CEACAM7: variants seen among roughly 807,000 people sequenced by gnomAD.
The protein encoded by CEACAM7 is CEA cell adhesion molecule 7.
A neutral mutation model predicts 25.7 loss-of-function variants in CEACAM7; 24 were observed. The observed-to-expected ratio is 0.93, with a 90% CI of 0.68 to 1.31. The LOEUF (loss-of-function observed/expected upper bound fraction) is 1.31. Ranked by LOEUF, CEACAM7 falls within the 40% of genes most tolerant of loss-of-function variation. CEACAM7 has a pLI of 0.00. For synonymous variants in CEACAM7, 144 were observed against 129.4 expected (o/e 1.11, Z -0.77); for missense variants, 324 against 330.1 (o/e 0.98, Z 0.14).
chr19:41,684,822 G>C (rs1172153767), intron 2 of CEACAM7, among the ~76,000 whole-genome samples: 1 of 152,236 alleles, frequency 6.6e-6, no homozygotes, highest in Non-Finnish European at 1.5e-5. Flanking sequence ...CCTGTCCCCA[G>C]CTCCTGTGCA....
intron 4 of CEACAM7, among the ~76,000 whole-genome samples, chr19:41,675,735 C>A (rs1474946261): frequency 6.6e-6 from 1 of 152,138 alleles, no homozygotes; most frequent in Non-Finnish European, 1.5e-5. Flanking sequence ...GATAAGACTT[C>A]AGATTTGATA....
In CEACAM7 at chr19:41,684,003, A is replaced by G. The variant is rs1555810955; in HGVS notation, c.488T>C (p.Ile163Thr). The G allele has an allele frequency of 1.9e-6, 3 of 1,614,028 alleles. No individual in the cohort carries two copies. Among genetic ancestry groups the G allele is most frequent in the South Asian group, 1.1e-5 (1 of 91,092 alleles). ...NNFNPVENKD[I>T]VVLTCQPETQ... ...CTCAGGTTGACAGGTTAAAACCACA[A>G]TATCTTTGTTCTCCACCGGATTGAA... The change falls in exon 3 of 5, where the codon ATT (isoleucine) becomes ACT (threonine). Residue 163 changes from isoleucine (I) to threonine (T), a missense_variant. Ile to Thr is a moderately conservative substitution (Grantham distance 89). Transcript: ENST00000401731.
intron 4 of CEACAM7, among the ~76,000 whole-genome samples, chr19:41,676,537 C>T (rs909565642): frequency 2.2e-4 from 34 of 152,128 alleles, no homozygotes; most frequent in African/African-American, 8.0e-4. Context: ...TTTGTCTTAT[C>T]GTCTGTCTTA....
chr19:41,678,249 C>T (rs2122717410), intron 3 of CEACAM7, among the ~76,000 whole-genome samples: 1 of 152,102 alleles, frequency 6.6e-6, no homozygotes, highest in East Asian at 1.9e-4. Flanking sequence ...GTTCTTTTCC[C>T]TCTCCCATAT....
chr19:41,686,171 C>G (rs1555811170), intron 2 of CEACAM7, among the ~76,000 whole-genome samples: 1 of 152,120 alleles, frequency 6.6e-6, no homozygotes, highest in Non-Finnish European at 1.5e-5. Context: ...CAGAAACTTT[C>G]TTCTTCTTTT....
Position 41,688,232 on chromosome 19 carries a change from T to C in CEACAM7, c.-67A>G, listed in dbSNP as rs1288170113. ...GCTCCAGGAACTCTCTTGTCAGGGC[T>C]GCTGTGACTGTCAGCTCTGCTGTCC... On this transcript the variant is annotated 5_prime_UTR_variant, in exon 1 of 5. Transcript: ENST00000401731. The C allele has an allele frequency of 6.4e-7, 1 of 1,571,560 alleles. No homozygotes were observed. The highest frequency in any genetic ancestry group is 1.4e-5 in the African/African-American group (1 of 73,316).
intron 1 of CEACAM7, 109 bp from the exon 2 acceptor site, chr19:41,687,330 A>AGTGTGT (rs55639350): frequency 9.5e-5 from 74 of 778,940 alleles, no homozygotes; most frequent in Admixed American, 3.4e-4. Context: ...TCTTGAAGTA[A>AGTGTGT]GTGTGTGTGT....
At chr19:41,683,342 G>T (rs1172962614) in intron 3 of CEACAM7, among the ~76,000 whole-genome samples, 1 of 152,234 alleles carries the variant, frequency 6.6e-6, no homozygotes. Flanking sequence ...TCTAAGGTTT[G>T]CTCCTAACTC....
At chr19:41,682,265 T>TA (rs2072183354) in intron 3 of CEACAM7, among the ~76,000 whole-genome samples, 1 of 151,844 alleles carries the variant, frequency 6.6e-6, no homozygotes, top group African/African-American at 2.4e-5. Context: ...AAATGGCTAA[T>TA]ATGGTAAATT....
intron 3 of CEACAM7, among the ~76,000 whole-genome samples, chr19:41,682,682 G>A (rs2072186994): frequency 6.6e-6 from 1 of 152,236 alleles, no homozygotes; most frequent in Admixed American, 6.5e-5. Flanking sequence ...GCAGAGCAGG[G>A]AGCAGACTCT....
At chr19:41,685,484 G>A (rs1416470282) in intron 2 of CEACAM7, among the ~76,000 whole-genome samples, 1 of 152,098 alleles carries the variant, frequency 6.6e-6, no homozygotes, top group Non-Finnish European at 1.5e-5. Flanking sequence ...AGGTGCCAGA[G>A]CCTCCTAGGA....
At chr19:41,678,111 C>T (rs953615102) in intron 3 of CEACAM7, among the ~76,000 whole-genome samples, 11 of 152,100 alleles carry the variant, frequency 7.2e-5, no homozygotes, top group Admixed American at 7.2e-4. Context: ...AGGCTCCTCC[C>T]CCTCCCAGCC....
In CEACAM7 at chr19:41,684,124, T is replaced by A. The variant is rs1259363792; in HGVS notation, c.428-61A>T. Reference sequence around the variant, plus strand: ...TGGCCCCTTGGTTCCCCCACGGACATCTTTCAATCAGAGTTGGCATCTCCC... The same window carrying A: ...TGGCCCCTTGGTTCCCCCACGGACAACTTTCAATCAGAGTTGGCATCTCCC... On this transcript the variant is annotated intron_variant, in intron 2 of 4. Transcript: ENST00000401731. The A allele has an allele frequency of 4.4e-6, 7 of 1,573,388 alleles. No individual in the cohort carries two copies. In the East Asian group the frequency reaches 1.6e-4, roughly 35 times the overall value.
At chr19:41,678,531 G>C (rs1555810374) in intron 3 of CEACAM7, among the ~76,000 whole-genome samples, 1 of 152,092 alleles carries the variant, frequency 6.6e-6, no homozygotes, top group African/African-American at 2.4e-5. Flanking sequence ...GTTGAGGGGT[G>C]CTTCCTATGT....
Position 41,673,403 on chromosome 19 carries a change from C to T in CEACAM7, c.*1373G>A, listed in dbSNP as rs562758482. 6.6e-6 allele frequency: 1 copy of T among 152,266 alleles called. No individual in the cohort carries two copies. Among genetic ancestry groups the T allele is most frequent in the East Asian group, 1.9e-4 (1 of 5,190 alleles). The allele number at this position is 152,266 out of a possible 1,614,324, so 9.4% of individuals were successfully genotyped here. A position where few individuals can be genotyped will look rare whatever the true frequency, so the allele number is the denominator to read the frequency against. On this transcript the variant is annotated 3_prime_UTR_variant, in exon 5 of 5. Coordinates refer to ENST00000401731, the MANE Select transcript of CEACAM7 (RefSeq NM_001291485.2). Reference sequence around the variant, plus strand: ...CCTACTGGGCAATACAACAGTAGAACAGTGGGTTTTGTAAAATGGGAATCC... The same window carrying T: ...CCTACTGGGCAATACAACAGTAGAATAGTGGGTTTTGTAAAATGGGAATCC...
chr19:41,678,882 G>C (rs10425592), intron 3 of CEACAM7, among the ~76,000 whole-genome samples: 68,973 of 152,132 alleles, frequency 0.45, 16,974 homozygotes, highest in Middle Eastern at 0.62. Context: ...GAGAAGTTAA[G>C]AATCTTGTGC....
chr19:41,687,228 G>A lies in CEACAM7; in HGVS notation c.65-7C>T, dbSNP rs781846654. On this transcript the variant is annotated splice_polypyrimidine_tract_variant and splice_region_variant and intron_variant, in intron 1 of 4. Coordinates refer to ENST00000401731, the MANE Select transcript of CEACAM7 (RefSeq NM_001291485.2). ...CAGAAGGTTAAAAGCGAGGCTAGGAGGGGGAGAGAACATCAGTCAATATTG... is the reference window on the plus strand; with the variant it reads ...CAGAAGGTTAAAAGCGAGGCTAGGAAGGGGAGAGAACATCAGTCAATATTG... The A allele has an allele frequency of 3.8e-6, 6 of 1,584,998 alleles. No homozygotes were observed. The highest frequency in any genetic ancestry group is 5.1e-6 in the Non-Finnish European group (6 of 1,165,104).
chr19:41,684,843 T>C (rs7251886), intron 2 of CEACAM7, among the ~76,000 whole-genome samples: 78,130 of 152,064 alleles, frequency 0.51, 20,284 homozygotes, highest in Middle Eastern at 0.63. Context: ...GTCAGCAAAA[T>C]GGAGGAAATC....
intron 1 of CEACAM7, 55 bp downstream of exon 1, chr19:41,688,047 C>T (rs2072246366): frequency 3.9e-6 from 6 of 1,536,726 alleles, no homozygotes; most frequent in Non-Finnish European, 5.3e-6. Context: ...CAAGGAGACC[C>T]CAGCCAGTCT....
Sources: gnomAD v4.1 joint callset for allele counts (sites outside exome capture counted in the v4.1 genomes callset) on GRCh38, gnomAD v4.1.1 for gene constraint, MANE v1.5 for transcripts, NCBI Gene and HGNC (gene_info 2026-07-23, HGNC 2026-07-21) for gene names.